Variants in DOK6 observed in about 807,000 individuals in gnomAD.
DOK6 encodes downstream of tyrosine kinase 6.
In DOK6, 22 loss-of-function variants were observed where a neutral mutation model predicts 44.0. The ratio of observed to expected loss-of-function variants is 0.50; its 90% CI spans 0.36 to 0.71. The LOEUF is 0.71. Among genes scored for constraint, DOK6 ranks in the 30% least tolerant of loss-of-function variants. The pLI is 0.00. For missense variants in DOK6, 340 were observed against 416.4 expected (o/e 0.82, Z 1.60); for synonymous variants, 166 against 145.5 (o/e 1.14, Z -1.01).
intron 3 of DOK6, chr18:69,661,217 C>T (rs545357552): frequency 6.6e-6 from 1 of 152,316 alleles, no homozygotes; most frequent in Admixed American, 6.5e-5. Context: ...TGTTGACAAC[C>T]TACTACTTCT....
chr18:69,718,453 C>T (rs1261034471), intron 5 of DOK6, among the ~76,000 whole-genome samples: 1 of 151,998 alleles, frequency 6.6e-6, no homozygotes, highest in Non-Finnish European at 1.5e-5. Flanking sequence ...ATTCAGAAAA[C>T]AGTAAACTCT....
chr18:69,573,270 G>A (rs1440814296), intron 2 of DOK6, among the ~76,000 whole-genome samples: 1 of 151,740 alleles, frequency 6.6e-6, no homozygotes, highest in Non-Finnish European at 1.5e-5. Context: ...TGAAAATGAA[G>A]CGGCAAAACA....
At chr18:69,799,129 G>A (rs1980830614) in intron 7 of DOK6, among the ~76,000 whole-genome samples, 1 of 151,848 alleles carries the variant, frequency 6.6e-6, no homozygotes. Flanking sequence ...TTATTACCAA[G>A]CATTACTATT....
intron 7 of DOK6, among the ~76,000 whole-genome samples, chr18:69,799,074 T>C (rs750204178): frequency 2.6e-5 from 4 of 152,044 alleles, no homozygotes; most frequent in Non-Finnish European, 4.4e-5. Flanking sequence ...CCCTAGTACA[T>C]AAAAAACTTA....
intron 7 of DOK6, among the ~76,000 whole-genome samples, chr18:69,804,211 G>A (rs1014828390): frequency 1.3e-5 from 2 of 152,016 alleles, no homozygotes; most frequent in Admixed American, 1.3e-4. Context: ...GATGACTTGA[G>A]GACTCTCATT....
intron 1 of DOK6, among the ~76,000 whole-genome samples, chr18:69,489,613 C>A (rs907488464): frequency 2.6e-5 from 4 of 152,134 alleles, no homozygotes; most frequent in Non-Finnish European, 5.9e-5. Flanking sequence ...TTCACATTGG[C>A]ATTACTATTT....
At chr18:69,573,979 G>A (rs907439967) in intron 2 of DOK6, among the ~76,000 whole-genome samples, 1 of 151,982 alleles carries the variant, frequency 6.6e-6, no homozygotes, top group Admixed American at 6.6e-5. Flanking sequence ...TGCACTTGTT[G>A]AGTGAGATAA....
intron 5 of DOK6, among the ~76,000 whole-genome samples, chr18:69,735,194 G>A (rs1038462470): frequency 8.5e-5 from 13 of 152,206 alleles, no homozygotes; most frequent in Admixed American, 3.9e-4. Context: ...GGTGAGGCTG[G>A]ATAAAGAGGA....
intron 1 of DOK6, among the ~76,000 whole-genome samples, chr18:69,462,840 C>A (rs1012452637): frequency 6.6e-6 from 1 of 152,174 alleles, no homozygotes; most frequent in Non-Finnish European, 1.5e-5. Flanking sequence ...CGAAGTAACT[C>A]AAGCCATTAA....
intron 7 of DOK6, among the ~76,000 whole-genome samples, chr18:69,808,012 T>C (rs1231778831): frequency 6.6e-6 from 1 of 151,786 alleles, no homozygotes; most frequent in Non-Finnish European, 1.5e-5. Flanking sequence ...TAAGCACACA[T>C]GGACTATTCC....
intron 1 of DOK6, among the ~76,000 whole-genome samples, chr18:69,554,971 C>T (rs2144591037): frequency 6.6e-6 from 1 of 152,234 alleles, no homozygotes; most frequent in African/African-American, 2.4e-5. Flanking sequence ...CTCTTTAAAA[C>T]TGGATTGTCT....
chr18:69,678,196 C>A (rs145251507), intron 4 of DOK6, among the ~76,000 whole-genome samples: 1 of 152,216 alleles, frequency 6.6e-6, no homozygotes, highest in Non-Finnish European at 1.5e-5. Context: ...TTGCAATGAG[C>A]CAAGATCACG....
In DOK6 at chr18:69,794,704, C is replaced by T. The variant is rs547750346; in HGVS notation, c.856+36831C>T. Among the ~76,000 whole-genome samples, 5 of 152,276 alleles carry T rather than the reference C, an allele frequency of 3.3e-5. No individual in the cohort carries two copies. In the South Asian group the frequency reaches 6.2e-4, roughly 19 times the overall value. The stretch of plus-strand genomic sequence containing the variant: ...ACCAGGCCACAGAGCAGGTGAGCAG[C>T]GGGCAAGCTAGTGAAGCTTCATTTG... On this transcript the variant is annotated intron_variant, in intron 7 of 7. Transcript: ENST00000382713.
intron 3 of DOK6, among the ~76,000 whole-genome samples, chr18:69,620,235 T>TG (rs1356251328): frequency 2.6e-5 from 4 of 152,208 alleles, no homozygotes; most frequent in Non-Finnish European, 5.9e-5. Flanking sequence ...TTTCTGAAAT[T>TG]TATATAAACA....
chr18:69,540,599 TAA>T (rs1164396211), intron 1 of DOK6, among the ~76,000 whole-genome samples: 1 of 152,200 alleles, frequency 6.6e-6, no homozygotes, highest in African/African-American at 2.4e-5. Flanking sequence ...AACATTCTCT[TAA>T]GTGTATTTCT....
At chr18:69,717,460 T>C (rs1384015296) in intron 5 of DOK6, among the ~76,000 whole-genome samples, 1 of 152,156 alleles carries the variant, frequency 6.6e-6, no homozygotes, top group Non-Finnish European at 1.5e-5. Flanking sequence ...TTAATGGGTT[T>C]TATTATTATT....
Position 69,569,032 on chromosome 18 carries a change from G to A in DOK6, c.174+4438G>A, listed in dbSNP as rs553549632. ...AAATGCAATATGCTTGAATCATCCC[G>A]AAACTGTCCCCCAGCCCCCACAAAC... On this transcript the variant is annotated intron_variant, in intron 2 of 7. Coordinates refer to ENST00000382713, the MANE Select transcript of DOK6 (RefSeq NM_152721.6). Among the ~76,000 whole-genome samples, 32 of 152,038 alleles carry A rather than the reference G, an allele frequency of 2.1e-4. No individual in the cohort carries two copies. In the South Asian group the frequency reaches 5.8e-3, roughly 28 times the overall value.
At chr18:69,509,506 C>T (rs544059383) in intron 1 of DOK6, among the ~76,000 whole-genome samples, 55 of 151,984 alleles carry the variant, frequency 3.6e-4, no homozygotes, top group African/African-American at 7.5e-4. Flanking sequence ...GGCGTGGTGG[C>T]GGGCGCCTTT....
intron 3 of DOK6, among the ~76,000 whole-genome samples, chr18:69,656,932 T>G (rs1340837731): frequency 6.6e-6 from 1 of 152,206 alleles, no homozygotes; most frequent in Non-Finnish European, 1.5e-5. Flanking sequence ...GAATCCACTC[T>G]AACAACCCTC....
Sources: allele counts gnomAD v4.1 joint callset (sites outside exome capture counted in the v4.1 genomes callset), GRCh38; gene constraint gnomAD v4.1.1; transcripts MANE v1.5; gene names NCBI Gene and HGNC (gene_info 2026-07-23, HGNC 2026-07-21).